The following DMD variants were observed in gnomAD, a reference collection of about 807,000 sequenced individuals.
The protein encoded by DMD is dystrophin.
DMD carries 63 observed loss-of-function variants against 330.1 expected under a neutral mutation model. That is an observed-to-expected ratio of 0.19 (90% CI 0.16 to 0.24). DMD has a LOEUF of 0.24. Among genes scored for constraint, DMD ranks in the 10% least tolerant of loss-of-function variants. The pLI is 1.00. For synonymous variants in DMD, 1,223 were observed against 959.8 expected, an observed-to-expected ratio of 1.27 and a Z score of -5.07; for missense variants, 3,344 against 2,684.1, an observed-to-expected ratio of 1.25 and a Z score of -5.43.
intron 42 of DMD, among the ~76,000 whole-genome samples, chrX:32,300,720 T>C (rs2148532734): frequency 9.0e-6 from 1 of 111,150 alleles, no homozygotes; most frequent in East Asian, 2.8e-4. Flanking sequence ...TCAAAATATA[T>C]GGCATTCTAT....
chrX:31,567,834 A>T (rs1248243198), intron 55 of DMD, among the ~76,000 whole-genome samples: 2 of 111,259 alleles, frequency 1.8e-5, no homozygotes, highest in Non-Finnish European at 3.8e-5. Context: ...AATCCCAAAG[A>T]AGTTCAGGAG....
At position 31,478,098 on chromosome X, in the gene DMD, G is replaced by A; in HGVS notation, c.8937+8C>T. ...CAAAGGGCCCTGAAGCAAAGAAGTA[G>A]ACGGTACCTTGACTTTCTCGAGGTG... is the stretch of plus-strand genomic sequence containing the variant. On this transcript the variant is annotated splice_region_variant and intron_variant, in intron 59 of 78. Coordinates refer to ENST00000357033, the MANE Select transcript of DMD (RefSeq NM_004006.3). 1 of 1,209,758 alleles carries A rather than the reference G, an allele frequency of 8.3e-7. No homozygotes were observed. Among genetic ancestry groups the A allele is most frequent in the Non-Finnish European group, 1.1e-6 (1 of 894,811 alleles).
At chrX:32,475,222 A>C (rs893664795) in intron 21 of DMD, among the ~76,000 whole-genome samples, 1 of 111,276 alleles carries the variant, frequency 9.0e-6, no homozygotes, top group Admixed American at 9.6e-5. Context: ...ATGTGCCTAT[A>C]TTTATACCAG....
At chrX:31,339,449 ACTG>A (rs1291664897) in intron 61 of DMD, among the ~76,000 whole-genome samples, 1 of 111,985 alleles carries the variant, frequency 8.9e-6, no homozygotes, top group Non-Finnish European at 1.9e-5. Flanking sequence ...ACAACATGTG[ACTG>A]CTGAAGAAAC....
Position 32,369,009 on chromosome X carries a change from G to A in DMD, c.4846-3810C>T, listed in dbSNP as rs150279221. Among the ~76,000 whole-genome samples the A allele has an allele frequency of 1.9e-3, 210 of 111,566 alleles. 3 individuals carry two copies. The East Asian group carries it at 0.031, about 17-fold the overall frequency. ...TGACATGATTGTAAGTCCACCTTCA[G>A]GAGATTCAAGAGAAGGTGAACGCAA... On this transcript the variant is annotated intron_variant, in intron 34 of 78. Transcript: ENST00000357033.
rs1569551987 is a variant in DMD, at chrX:31,569,648, ACG to A, written c.8217+58023_8217+58024del. On this transcript the variant is annotated intron_variant, in intron 55 of 78. Transcript: ENST00000357033. ...CGTATATACGTATATATATGTATAT[ACG>A]TATATATACGTATATATACGTATAT... is the stretch of plus-strand genomic sequence containing the variant. 3.3e-3 allele frequency among the ~76,000 whole-genome samples: 296 copies of A among 89,516 alleles called. 1 individual carries two copies. Among genetic ancestry groups the A allele is most frequent in the Middle Eastern group, 6.2e-3 (1 of 162 alleles). The allele number at this position is 89,516 out of a possible 115,157, so 77.7% of individuals were successfully genotyped here. A position where few individuals can be genotyped will look rare whatever the true frequency, so the allele number is the denominator to read the frequency against.
chrX:32,108,266 TA>T (rs200172766), intron 44 of DMD, among the ~76,000 whole-genome samples: 4 of 111,100 alleles, frequency 3.6e-5, no homozygotes, highest in South Asian at 3.7e-4. Context: ...TAAGATTGGT[TA>T]AAAAAAATCA....
intron 1 of DMD, among the ~76,000 whole-genome samples, chrX:33,132,407 C>A (rs752735311): frequency 2.5e-4 from 28 of 111,605 alleles, no homozygotes; most frequent in African/African-American, 7.5e-4. Context: ...CCCACATTCC[C>A]CCCAGCCATC....
intron 55 of DMD, among the ~76,000 whole-genome samples, chrX:31,621,668 G>A (rs1007879286): frequency 4.5e-5 from 5 of 111,832 alleles, no homozygotes; most frequent in East Asian, 5.6e-4. Context: ...GGGACTCAGA[G>A]GTCAGACAAT....
Position 31,396,199 on chromosome X carries a change from G to A in DMD, c.9085-47565C>T, listed in dbSNP as rs367637969. On this transcript the variant is annotated intron_variant, in intron 60 of 78. Coordinates refer to ENST00000357033, the MANE Select transcript of DMD (RefSeq NM_004006.3). ...GTGGCCCAGGCTGGAGTGCAGTGGC[G>A]CGATCTCGGCTCACTGCAAGCTCCG... Among the ~76,000 whole-genome samples the A allele has an allele frequency of 7.5e-3, 798 of 106,129 alleles. 11 individuals carry two copies. The highest frequency in any genetic ancestry group is 0.025 in the African/African-American group (737 of 29,187). The allele number at this position is 106,129 out of a possible 115,157, so 92.2% of individuals were successfully genotyped here.
chrX:32,402,762 G>A (rs771179308), intron 30 of DMD, among the ~76,000 whole-genome samples: 1 of 111,317 alleles, frequency 9.0e-6, no homozygotes, highest in Admixed American at 9.7e-5. Context: ...TCAAAGTTGG[G>A]CAATCATAAG....
intron 7 of DMD, among the ~76,000 whole-genome samples, chrX:32,716,472 G>A (rs944140249): frequency 1.8e-5 from 2 of 111,643 alleles, no homozygotes; most frequent in Non-Finnish European, 3.8e-5. Context: ...ACAGCCTGAA[G>A]AACTTTGAGT....
chrX:32,776,286 C>A (rs764116084), intron 7 of DMD, among the ~76,000 whole-genome samples: 2 of 108,462 alleles, frequency 1.8e-5, no homozygotes, highest in South Asian at 4.3e-4. Context: ...CTTCTGACCC[C>A]CCCCCCAAAT....
Position 33,116,169 on chromosome X carries a change from C to T in DMD, c.31+95113G>A, listed in dbSNP as rs6631740. 3.7e-3 allele frequency among the ~76,000 whole-genome samples: 397 copies of T among 108,675 alleles called. 8 individuals are homozygous for T. In the East Asian group the frequency reaches 0.08, roughly 22 times the overall value. The allele number at this position is 108,675 out of a possible 115,157, so 94.4% of individuals were successfully genotyped here. ...GATGGTGCCACTGCACTGCAGCCTGCGAGACAGAGTGAAACCCAGTCTCAA... is the reference window on the plus strand; with the variant it reads ...GATGGTGCCACTGCACTGCAGCCTGTGAGACAGAGTGAAACCCAGTCTCAA... On this transcript the variant is annotated intron_variant, in intron 1 of 78. Transcript: ENST00000357033.
At chrX:32,794,377 C>T (rs911935049) in intron 7 of DMD, among the ~76,000 whole-genome samples, 11 of 111,525 alleles carry the variant, frequency 9.9e-5, no homozygotes, top group African/African-American at 3.6e-4. Context: ...ATCAATAGAT[C>T]AGGAGATCGA....
At chrX:32,373,850 A>G (rs761596659) in intron 34 of DMD, among the ~76,000 whole-genome samples, 82 of 112,046 alleles carry the variant, frequency 7.3e-4, no homozygotes, top group African/African-American at 2.6e-3. Flanking sequence ...CATGGTTCCC[A>G]TGGTAACATT....
chrX:31,701,682 G>A (rs908550301), intron 52 of DMD, among the ~76,000 whole-genome samples: 2 of 111,912 alleles, frequency 1.8e-5, no homozygotes, highest in Admixed American at 9.5e-5. Context: ...CCCCACCTGC[G>A]TCCCCTGATG....
chrX:31,968,495 C>T lies in DMD; in HGVS notation c.6458G>A (p.Gly2153Glu). 1 of 1,210,166 alleles carries T rather than the reference C, an allele frequency of 8.3e-7. No homozygotes were observed. The highest frequency in any genetic ancestry group is 1.8e-5 in the South Asian group (1 of 56,936). Residue 2153 changes from glycine (G) to glutamate (E), a missense_variant, in exon 45 of 79, where the codon GGG (glycine) becomes GAG (glutamate). Coordinates refer to ENST00000357033, the MANE Select transcript of DMD (RefSeq NM_004006.3). Reference sequence around the variant, plus strand: ...TGTTCTGACAACAGTTTGCCGCTGCCCAATGCCATCCTGGAGTTCCTGTAA... The same window carrying T: ...TGTTCTGACAACAGTTTGCCGCTGCTCAATGCCATCCTGGAGTTCCTGTAA... Reference protein sequence around the residue: ...WYLKELQDGIGQRQTVVRTLN... With the variant: ...WYLKELQDGIEQRQTVVRTLN...
At chrX:32,144,578 C>T (rs6628680) in intron 44 of DMD, among the ~76,000 whole-genome samples, 31,703 of 110,355 alleles carry the variant, frequency 0.29, 3,553 homozygotes, top group East Asian at 0.58. Flanking sequence ...TGTTAAAATA[C>T]GCTTATAAGG....
Sources: gnomAD v4.1 joint callset for allele counts (sites outside exome capture counted in the v4.1 genomes callset) on GRCh38, gnomAD v4.1.1 for gene constraint, MANE v1.5 for transcripts, NCBI Gene and HGNC (gene_info 2026-07-23, HGNC 2026-07-21) for gene names.